TYW1B: variants seen among roughly 807,000 people sequenced by gnomAD.
The protein encoded by TYW1B is tRNA-yW synthesizing protein 1 homolog B, also known as S-adenosyl-L-methionine-dependent tRNA 4-demethylwyosine synthase TYW1B.
A neutral mutation model predicts 86.9 loss-of-function variants in TYW1B; 73 were observed. The observed-to-expected ratio is 0.84, with a 90% CI of 0.70 to 1.02. The LOEUF (loss-of-function observed/expected upper bound fraction) is 1.02, where lower values mean the gene tolerates loss of function less well. Among genes scored for constraint, TYW1B ranks in the 50% least tolerant of loss-of-function variants. The probability of loss-of-function intolerance (pLI) is 0.00; values close to 1 mark genes in which losing one functional copy is unlikely to be tolerated. For missense variants in TYW1B, 637 were observed against 827.4 expected (o/e 0.77, Z 2.82); for synonymous variants, 248 against 292.8 (o/e 0.85, Z 1.56).
At chr7:72,809,209 AT>A (rs1207589145) in intron 4 of TYW1B, among the ~76,000 whole-genome samples, 1 of 151,564 alleles carries the variant, frequency 6.6e-6, no homozygotes, top group Non-Finnish European at 1.5e-5. Flanking sequence ...CACCTAGCTA[AT>A]TTTTTTGTAT....
At chr7:72,694,212 C>T (rs190888179) in intron 11 of TYW1B, among the ~76,000 whole-genome samples, 3 of 152,308 alleles carry the variant, frequency 2.0e-5, no homozygotes, top group African/African-American at 7.2e-5. Flanking sequence ...ATCCGCCTGC[C>T]TCACCCTCCC....
rs1183965960 is a variant in TYW1B at position 72,810,451 on chromosome 7, A to G, written c.432+20T>C. On this transcript the variant is annotated intron_variant, in intron 4 of 13. Transcript: ENST00000620995. ...GTGTTTATGGGGAGAATTTATTCCTATAATTCAATATAGACCTACCTTGTT... is the reference window on the plus strand; with the variant it reads ...GTGTTTATGGGGAGAATTTATTCCTGTAATTCAATATAGACCTACCTTGTT... 1.9e-6 allele frequency: 3 copies of G among 1,591,036 alleles called. No individual in the cohort carries two copies. Among genetic ancestry groups the G allele is most frequent in the South Asian group, 2.3e-5 (2 of 87,704 alleles).
chr7:72,720,835 G>A (rs1438107541), intron 9 of TYW1B, among the ~76,000 whole-genome samples: 3 of 152,120 alleles, frequency 2.0e-5, no homozygotes, highest in African/African-American at 7.2e-5. Context: ...TGCCATGTTG[G>A]CGTGCTGCAC....
At chr7:72,744,638 C>T (rs41303393) in intron 7 of TYW1B, 37 bp from the exon 8 acceptor site, 18 of 1,609,264 alleles carry the variant, frequency 1.1e-5, no homozygotes, top group East Asian at 8.9e-5. Flanking sequence ...TGAATAAAAT[C>T]GTCAAAGCAC....
In TYW1B at chr7:72,826,854, C is replaced by G. The variant is rs782788847; in HGVS notation, c.135+1G>C. 2.5e-6 allele frequency: 4 copies of G among 1,611,746 alleles called. No individual in the cohort carries two copies. The highest frequency in any genetic ancestry group is 1.7e-5 in the Admixed American group (1 of 59,134). The stretch of plus-strand genomic sequence containing the variant: ...CTATTAAAAAAAATAACTCCACTTA[C>G]CTGCATCTCGATGACAATCTGGACA... On this transcript the variant is annotated splice_donor_variant, in intron 2 of 13. Transcript: ENST00000620995. LOFTEE classifies it high-confidence loss of function.
chr7:72,589,864 G>A (rs571457946), intron 13 of TYW1B, among the ~76,000 whole-genome samples: 6 of 152,200 alleles, frequency 3.9e-5, no homozygotes, highest in Admixed American at 6.5e-5. Flanking sequence ...CAACCAGAGC[G>A]AAACTCTGTC....
rs192473216 is a variant in TYW1B at position 72,807,472 on chromosome 7, A to G, written c.433-116T>C. 6.8e-5 allele frequency: 94 copies of G among 1,381,668 alleles called. No homozygotes were observed. The African/African-American group carries it at 1.2e-3, about 17-fold the overall frequency. 85.6% of individuals were successfully genotyped at this position (1,381,668 alleles called of 1,614,324 possible). On this transcript the variant is annotated intron_variant, in intron 4 of 13. Transcript: ENST00000620995. ...CCCCTGGTCATGGGCTACCACTAAG[A>G]AAGAGGAAATTGCTGGCAAAATGAC...
chr7:72,814,271 C>T (rs1554478942), intron 3 of TYW1B, among the ~76,000 whole-genome samples: 5 of 151,894 alleles, frequency 3.3e-5, no homozygotes. Context: ...CTGGGCAACA[C>T]AGTGAGACCG....
chr7:72,807,130 T>C lies in TYW1B; in HGVS notation c.659A>G (p.His220Arg), dbSNP rs1554476875. 3.7e-6 allele frequency: 6 copies of C among 1,614,156 alleles called. No homozygotes were observed. The highest frequency in any genetic ancestry group is 1.6e-4 in the Middle Eastern group (1 of 6,062). Residue 220 changes from histidine to arginine, a missense_variant, in exon 5 of 14, where the codon CAT becomes CGT. Physicochemically the swap from His to Arg is conservative, Grantham distance 29 (BLOSUM62 0). Transcript: ENST00000620995. ...CKKGKCESHQ[H>R]GSEEREEGSQ... Reference sequence around the variant, plus strand: ...TCCTTCCTCCCTCTCCTCTGAGCCATGTTGGTGAGATTCACATTTGCCTTT... The same window carrying C: ...TCCTTCCTCCCTCTCCTCTGAGCCACGTTGGTGAGATTCACATTTGCCTTT...
chr7:72,715,510 G>C (rs1554455717), intron 9 of TYW1B, among the ~76,000 whole-genome samples: 2 of 152,150 alleles, frequency 1.3e-5, no homozygotes, highest in African/African-American at 4.8e-5. Context: ...GACTCGGAAA[G>C]AGTGTAAATA....
intron 9 of TYW1B, among the ~76,000 whole-genome samples, chr7:72,716,235 C>A (rs183651544): frequency 1.3e-5 from 2 of 152,334 alleles, no homozygotes; most frequent in African/African-American, 2.4e-5. Flanking sequence ...CCATGCCCAG[C>A]CATTATTGGC....
chr7:72,584,719 G>A (rs1362377618), intron 13 of TYW1B, among the ~76,000 whole-genome samples: 1 of 152,122 alleles, frequency 6.6e-6, no homozygotes, highest in East Asian at 1.9e-4. Flanking sequence ...GCCTCCTGAA[G>A]TGCTAGGATT....
chr7:72,725,426 C>T (rs1786980865), intron 9 of TYW1B, among the ~76,000 whole-genome samples: 1 of 152,154 alleles, frequency 6.6e-6, no homozygotes, highest in African/African-American at 2.4e-5. Flanking sequence ...TAAGCACTAA[C>T]TCAAAAATCA....
At chr7:72,642,344 A>G (rs554658573) in intron 11 of TYW1B, among the ~76,000 whole-genome samples, 2 of 152,352 alleles carry the variant, frequency 1.3e-5, no homozygotes, top group East Asian at 3.9e-4. Context: ...AAAAGATACA[A>G]TGGACTTTTC....
intron 10 of TYW1B, among the ~76,000 whole-genome samples, chr7:72,707,351 C>A (rs1320430903): frequency 1.3e-5 from 2 of 152,248 alleles, no homozygotes; most frequent in African/African-American, 4.8e-5. Flanking sequence ...CCCAGCCCAG[C>A]CCATCATCAA....
At position 72,744,602 on chromosome 7, in the gene TYW1B, CTA is replaced by C. The variant is rs782476764; in HGVS notation, c.965-3_965-2del. ...AAGCTCCTCTCCCTCGGAGCATCGA[CTA>C]TGACAAGTAAACAAATCACAATTTG... is the stretch of plus-strand genomic sequence containing the variant. On this transcript the variant is annotated splice_acceptor_variant and splice_polypyrimidine_tract_variant and intron_variant, in intron 7 of 13. Transcript: ENST00000620995. LOFTEE classifies it high-confidence loss of function. 1 of 1,613,728 alleles carries C rather than the reference CTA, an allele frequency of 6.2e-7. No homozygotes were observed. Among genetic ancestry groups the C allele is most frequent in the Non-Finnish European group, 8.5e-7 (1 of 1,179,674 alleles).
At chr7:72,669,841 T>C (rs1813552451) in intron 11 of TYW1B, among the ~76,000 whole-genome samples, 2 of 151,876 alleles carry the variant, frequency 1.3e-5, no homozygotes, top group African/African-American at 4.8e-5. Context: ...ACATCTATAA[T>C]CCCAGTGCCT....
intron 11 of TYW1B, among the ~76,000 whole-genome samples, chr7:72,653,653 C>T (rs1813120164): frequency 6.6e-6 from 1 of 151,832 alleles, no homozygotes; most frequent in African/African-American, 2.4e-5. Flanking sequence ...GGGATTTATT[C>T]CAGGTATGCA....
At chr7:72,728,522 A>G (rs1475223951) in intron 9 of TYW1B, among the ~76,000 whole-genome samples, 13 of 152,098 alleles carry the variant, frequency 8.5e-5, no homozygotes, top group African/African-American at 3.1e-4. Context: ...AGCCAGGCTC[A>G]TCTCGAACTC....
Sources: gnomAD v4.1 joint callset for allele counts (sites outside exome capture counted in the v4.1 genomes callset) on GRCh38, gnomAD v4.1.1 for gene constraint, MANE v1.5 for transcripts, NCBI Gene and HGNC (gene_info 2026-07-23, HGNC 2026-07-21) for gene names.